The following ADAM23 variants were observed in gnomAD, a reference collection of about 807,000 sequenced individuals.
ADAM23 encodes the protein disintegrin and metalloproteinase domain-containing protein 23.
Under a neutral mutation model 120.1 loss-of-function variants are expected in ADAM23, and 33 were observed. The ratio of observed to expected loss-of-function variants is 0.27; its 90% CI spans 0.21 to 0.37. The LOEUF is 0.37. Among genes scored for constraint, ADAM23 ranks in the 10% least tolerant of loss-of-function variants. The probability of loss-of-function intolerance (pLI) is 1.00; values close to 1 mark genes in which losing one functional copy is unlikely to be tolerated. For missense variants in ADAM23, 862 were observed against 1,058.2 expected, an observed-to-expected ratio of 0.81 and a Z score of 2.57; for synonymous variants, 367 against 375.2, an observed-to-expected ratio of 0.98 and a Z score of 0.25.
intron 25 of ADAM23, among the ~76,000 whole-genome samples, chr2:206,611,275 T>G (rs1698821810): frequency 6.6e-6 from 1 of 152,184 alleles, no homozygotes. Context: ...AATGTAGTCT[T>G]GGCATCAGTG....
intron 18 of ADAM23, among the ~76,000 whole-genome samples, chr2:206,584,102 G>T (rs1476704391): frequency 1.3e-5 from 2 of 152,162 alleles, no homozygotes; most frequent in Non-Finnish European, 2.9e-5. Context: ...CTTCCTGTGA[G>T]CTGAACCACA....
chr2:206,452,092 T>C (rs1201195769), intron 2 of ADAM23, among the ~76,000 whole-genome samples: 1 of 152,172 alleles, frequency 6.6e-6, no homozygotes, highest in Non-Finnish European at 1.5e-5. Context: ...TGGGAGTAAT[T>C]CACCTAGGGA....
At chr2:206,614,195 G>A (rs185709203) in intron 25 of ADAM23, among the ~76,000 whole-genome samples, 40 of 152,296 alleles carry the variant, frequency 2.6e-4, no homozygotes, top group Non-Finnish European at 3.7e-4. Flanking sequence ...ATTATCATAC[G>A]TGATTCCTTC....
chr2:206,481,127 G>A, intron 2 of ADAM23, 105 bp from the exon 3 acceptor site: 1 of 764,382 alleles, frequency 1.3e-6, no homozygotes, highest in Non-Finnish European at 2.0e-6. Flanking sequence ...ATAAGGAAAT[G>A]AACTGATACA....
At chr2:206,531,051 CT>C (rs1210175457) in intron 4 of ADAM23, 103 bp downstream of exon 4, 13 of 805,972 alleles carry the variant, frequency 1.6e-5, no homozygotes, top group African/African-American at 3.5e-5. Context: ...GTAAAATCAC[CT>C]GTGCTCTTTT....
chr2:206,572,894 T>C (rs1183890272), intron 17 of ADAM23, among the ~76,000 whole-genome samples: 1 of 152,222 alleles, frequency 6.6e-6, no homozygotes, highest in Non-Finnish European at 1.5e-5. Context: ...TTTTGAAATC[T>C]GAACATTTAA....
chr2:206,447,906 C>T (rs1049511046), intron 2 of ADAM23, among the ~76,000 whole-genome samples: 1 of 152,130 alleles, frequency 6.6e-6, no homozygotes, highest in Non-Finnish European at 1.5e-5. Context: ...GGCCAAGCTC[C>T]ACATTTATGT....
At chr2:206,526,155 C>T (rs937661633) in intron 3 of ADAM23, among the ~76,000 whole-genome samples, 1 of 150,276 alleles carries the variant, frequency 6.7e-6, no homozygotes, top group African/African-American at 2.4e-5. Flanking sequence ...CACACACACA[C>T]ACACACACAC....
chr2:206,475,937 G>T (rs898822698), intron 2 of ADAM23, among the ~76,000 whole-genome samples: 3 of 152,084 alleles, frequency 2.0e-5, no homozygotes, highest in African/African-American at 7.2e-5. Context: ...AAAGGTTATG[G>T]TTACACACAC....
chr2:206,534,416 T>C (rs1697131550), intron 4 of ADAM23, among the ~76,000 whole-genome samples: 1 of 152,146 alleles, frequency 6.6e-6, no homozygotes, highest in Non-Finnish European at 1.5e-5. Context: ...GTTGATATGT[T>C]GGTACATTGT....
chr2:206,469,035 A>G (rs565483704), intron 2 of ADAM23, among the ~76,000 whole-genome samples: 45 of 152,270 alleles, frequency 3.0e-4, no homozygotes, highest in African/African-American at 1.1e-3. Context: ...ATGGTGTTAA[A>G]ACCATGAGAA....
intron 2 of ADAM23, among the ~76,000 whole-genome samples, chr2:206,458,102 T>A (rs189880693): frequency 2.0e-5 from 3 of 152,336 alleles, no homozygotes; most frequent in Non-Finnish European, 4.4e-5. Context: ...TTCCTTTGAC[T>A]TCTCTCTTCT....
rs140320539 is a variant in ADAM23, at chr2:206,475,169, A to G, written c.433-6063A>G. Among the ~76,000 whole-genome samples the G allele has an allele frequency of 4.0e-3, 603 of 152,332 alleles. 5 individuals carry two copies. Among genetic ancestry groups the G allele is most frequent in the African/African-American group, 0.014 (566 of 41,578 alleles). ...AATTGCATGGGGTGCTGTGTTCTAGATAGACATGACAGTACTTTGAGATGA... is the reference window on the plus strand; with the variant it reads ...AATTGCATGGGGTGCTGTGTTCTAGGTAGACATGACAGTACTTTGAGATGA... On this transcript the variant is annotated intron_variant, in intron 2 of 25. Transcript: ENST00000264377.
rs374524658 is a variant in ADAM23 at position 206,477,897 on chromosome 2, A to AAAATATATATAT, written c.433-3334_433-3333insAATATATATATA. Among the ~76,000 whole-genome samples, 103 of 93,540 alleles carry AAAATATATATAT rather than the reference A, an allele frequency of 1.1e-3. 1 individual carries two copies. Among genetic ancestry groups the AAAATATATATAT allele is most frequent in the Admixed American group, 6.8e-3 (54 of 7,936 alleles). 61.4% of individuals were successfully genotyped at this position (93,540 alleles called of 152,430 possible). ...TATTCTGTTAAAAAAAAAAAAAAAA[A>AAAATATATATAT]ATATATATATATATATATATATATA... is the stretch of plus-strand genomic sequence containing the variant. On this transcript the variant is annotated intron_variant, in intron 2 of 25. Coordinates refer to ENST00000264377, the MANE Select transcript of ADAM23 (RefSeq NM_003812.4).
intron 3 of ADAM23, among the ~76,000 whole-genome samples, chr2:206,508,394 A>G (rs567958719): frequency 6.6e-6 from 1 of 152,080 alleles, no homozygotes; most frequent in South Asian, 2.1e-4. Context: ...GGTGGCTCTC[A>G]CCTGTAATCC....
At chr2:206,592,491 C>G in intron 21 of ADAM23, 126 bp from the exon 22 acceptor site, 2 of 1,230,150 alleles carry the variant, frequency 1.6e-6, no homozygotes, top group East Asian at 4.8e-5. Flanking sequence ...GATATATGAT[C>G]AAATGTTTTT....
chr2:206,580,221 CTGAT>C (rs1162801817), intron 18 of ADAM23, among the ~76,000 whole-genome samples: 1 of 152,110 alleles, frequency 6.6e-6, no homozygotes, highest in Non-Finnish European at 1.5e-5. Context: ...TTTCTCTTGT[CTGAT>C]TGCTCTGGCT....
intron 3 of ADAM23, among the ~76,000 whole-genome samples, chr2:206,526,095 T>C (rs971590978): frequency 3.9e-5 from 6 of 151,994 alleles, no homozygotes; most frequent in Admixed American, 1.3e-4. Context: ...TTTATGTGTC[T>C]ACTTACATTA....
intron 2 of ADAM23, among the ~76,000 whole-genome samples, chr2:206,462,382 T>G (rs1271133841): frequency 6.6e-6 from 1 of 152,190 alleles, no homozygotes; most frequent in Non-Finnish European, 1.5e-5. Flanking sequence ...GTTAAATAAT[T>G]TATCTCTACC....
Sources: allele counts gnomAD v4.1 joint callset (sites outside exome capture counted in the v4.1 genomes callset), GRCh38; gene constraint gnomAD v4.1.1; transcripts MANE v1.5; gene names NCBI Gene and HGNC (gene_info 2026-07-23, HGNC 2026-07-21).